Variants in BSN observed in about 807,000 individuals in gnomAD.
BSN encodes the protein protein bassoon.
A neutral mutation model predicts 264.8 loss-of-function variants in BSN; 57 were observed. The ratio of observed to expected loss-of-function variants is 0.22; its 90% CI spans 0.17 to 0.27. The LOEUF is 0.27. Among genes scored for constraint, BSN ranks in the 10% least tolerant of loss-of-function variants. The pLI is 1.00. For synonymous variants in BSN, 2,059 were observed against 2,137.3 expected, an observed-to-expected ratio of 0.96 and a Z score of 1.01; for missense variants, 4,615 against 5,232.5, an observed-to-expected ratio of 0.88 and a Z score of 3.64.
chr3:49,577,184 G>A (rs1227232765), intron 1 of BSN, among the ~76,000 whole-genome samples: 3 of 152,080 alleles, frequency 2.0e-5, no homozygotes, highest in Non-Finnish European at 4.4e-5. Context: ...GAATTTCTTC[G>A]CTATCTTGCT....
At position 49,654,472 on chromosome 3, in the gene BSN, A is replaced by T; in HGVS notation, c.4916A>T (p.Asn1639Ile). 1.2e-6 allele frequency: 2 copies of T among 1,608,988 alleles called. No individual in the cohort carries two copies. Among genetic ancestry groups the T allele is most frequent in the Non-Finnish European group, 1.7e-6 (2 of 1,177,846 alleles). Residue 1639 changes from asparagine to isoleucine, a missense_variant, in exon 5 of 12, where the codon AAC becomes ATC. Physicochemically the swap from Asn to Ile is moderately radical, Grantham distance 149 (BLOSUM62 -3). Around this residue, in one of 3 missense-constraint regions of BSN, gnomAD observed 3,415 missense variants for 3,866.4 expected, o/e 0.88. Coordinates refer to ENST00000296452, the MANE Select transcript of BSN (RefSeq NM_003458.4). This position sits in a 1 kb window ranked among gnomAD's most constrained non-coding sequence, Gnocchi z 4.1. ...LYGWGALPAENISLCRISSVP... is the reference protein window; with the variant it reads ...LYGWGALPAEIISLCRISSVP... ...GGCTGGGGTGCCCTCCCTGCTGAGA[A>T]CATCTCCCTGTGCCGGATCTCCTCT...
chr3:49,578,833 CT>C, intron 1 of BSN, among the ~76,000 whole-genome samples: 1 of 152,270 alleles, frequency 6.6e-6, no homozygotes, highest in African/African-American at 2.4e-5. Context: ...TACTATCCAC[CT>C]CTCTAGATTT....
Position 49,652,821 on chromosome 3 carries a change from C to T in BSN, c.3265C>T (p.Arg1089Cys), listed in dbSNP as rs748329610. Residue 1089 changes from arginine (R) to cysteine (C), a missense_variant, in exon 5 of 12, where the codon CGC becomes TGC. This residue lies in a region of BSN where 3,415 missense variants were observed against 3,866.4 expected (regional missense o/e 0.88). Coordinates refer to ENST00000296452, the MANE Select transcript of BSN (RefSeq NM_003458.4). ...EELRAQRRRERSKTPPSNLSP... is the reference protein window; with the variant it reads ...EELRAQRRRECSKTPPSNLSP... ...ACTGCGGGCCCAGCGGAGGCGAGAG[C>T]GCTCCAAGACACCACCCAGTAACTT... 12 of 1,571,068 alleles carry T rather than the reference C, an allele frequency of 7.6e-6. No individual in the cohort carries two copies. The highest frequency in any genetic ancestry group is 8.6e-6 in the Non-Finnish European group (10 of 1,157,428).
chr3:49,633,625 C>T (rs965365316), intron 2 of BSN, among the ~76,000 whole-genome samples: 2 of 152,202 alleles, frequency 1.3e-5, no homozygotes, highest in African/African-American at 2.4e-5. Context: ...GATATTTGTA[C>T]ACCCATGTTC....
At chr3:49,575,968 T>G (rs985844798) in intron 1 of BSN, among the ~76,000 whole-genome samples, 1 of 152,158 alleles carries the variant, frequency 6.6e-6, no homozygotes, top group African/African-American at 2.4e-5. Flanking sequence ...ACTAAATGCA[T>G]TGCTTTGCAC....
chr3:49,578,221 A>T (rs912231821), intron 1 of BSN, among the ~76,000 whole-genome samples: 13 of 151,794 alleles, frequency 8.6e-5, no homozygotes, highest in African/African-American at 3.1e-4. Flanking sequence ...ATGGTCTCAA[A>T]CTCCTGCCCT....
At chr3:49,666,685 G>A (rs934959819) in intron 11 of BSN, among the ~76,000 whole-genome samples, 2 of 152,008 alleles carry the variant, frequency 1.3e-5, no homozygotes, top group African/African-American at 2.4e-5. Flanking sequence ...AGCACTGACG[G>A]ATGATCGGAT....
In BSN at chr3:49,587,209, G is replaced by T. The variant is rs558911035; in HGVS notation, c.224+32383G>T. Among the ~76,000 whole-genome samples, 129 of 152,178 alleles carry T rather than the reference G, an allele frequency of 8.5e-4. 4 individuals are homozygous for T. The South Asian group carries it at 0.026, about 31-fold the overall frequency. Reference sequence around the variant, plus strand: ...ACTTTTTATATTTCTTTTGCACATTGTTCACTGTTGGCATATAGTAATAGA... The same window carrying T: ...ACTTTTTATATTTCTTTTGCACATTTTTCACTGTTGGCATATAGTAATAGA... On this transcript the variant is annotated intron_variant, in intron 1 of 11. Coordinates refer to ENST00000296452, the MANE Select transcript of BSN (RefSeq NM_003458.4).
At chr3:49,623,933 G>T (rs1410752696) in intron 1 of BSN, among the ~76,000 whole-genome samples, 1 of 152,204 alleles carries the variant, frequency 6.6e-6, no homozygotes, top group Non-Finnish European at 1.5e-5. Flanking sequence ...TGCCTCCATA[G>T]ATTTTTATGT....
rs554189521 is a variant in BSN at position 49,658,608 on chromosome 3, C to T, written c.8640+412C>T. 2.0e-5 allele frequency among the ~76,000 whole-genome samples: 3 copies of T among 152,302 alleles called. No individual in the cohort carries two copies. The East Asian group carries it at 5.8e-4, about 29-fold the overall frequency. On this transcript the variant is annotated intron_variant, in intron 5 of 11. Transcript: ENST00000296452. ...AAGAAAATCAGTCATATGAACCTGGCGCGGCTGCTCTCGTCCTCTCAGTCC... is the reference window on the plus strand; with the variant it reads ...AAGAAAATCAGTCATATGAACCTGGTGCGGCTGCTCTCGTCCTCTCAGTCC...
Position 49,657,299 on chromosome 3 carries a change from C to G in BSN, c.7743C>G (p.Ala2581=). The G allele has an allele frequency of 6.2e-7, 1 of 1,613,342 alleles. No individual in the cohort carries two copies. Among genetic ancestry groups the G allele is most frequent in the Non-Finnish European group, 8.5e-7 (1 of 1,179,886 alleles). ...AGCCCTGTGTGGTCAGGAGGATTGC[C>G]GACAGCAGCGTGCAGACAGACGATG... ...GTEPCVVRRI[A]DSSVQTDDED... Residue 2581 remains alanine (A), a synonymous_variant, in exon 5 of 12, where the codon GCC becomes GCG. Coordinates refer to ENST00000296452, the MANE Select transcript of BSN (RefSeq NM_003458.4).
intron 1 of BSN, among the ~76,000 whole-genome samples, chr3:49,576,302 C>T (rs945625958): frequency 3.3e-5 from 5 of 152,174 alleles, no homozygotes; most frequent in African/African-American, 1.2e-4. Flanking sequence ...AGGGAGCTTC[C>T]AGGCTCTTGT....
intron 1 of BSN, 35 bp from the exon 2 acceptor site, chr3:49,624,940 T>G (rs1170853228): frequency 2.0e-6 from 3 of 1,482,738 alleles, no homozygotes; most frequent in Non-Finnish European, 2.7e-6. Context: ...TTCTCTAAGC[T>G]GTATCTCTAA....
intron 1 of BSN, among the ~76,000 whole-genome samples, chr3:49,588,415 C>T (rs1266854377): frequency 6.6e-6 from 1 of 152,046 alleles, no homozygotes; most frequent in Admixed American, 6.6e-5. Context: ...GTAGGTCTGT[C>T]GTATATGGCT....
In BSN at chr3:49,661,261, G is replaced by A. The variant is rs138315575; in HGVS notation, c.9416G>A (p.Arg3139His). The change falls in exon 6 of 12, where the codon CGT (arginine) becomes CAT (histidine). Residue 3139 changes from arginine (R) to histidine (H), a missense_variant. Transcript: ENST00000296452. ...CTTTTTCCAGTCCCCGCTGATAGCC[G>A]TGCCCCACTGCAGAAGCCACGCCAG... ...STLFPVPADSRAPLQKPRQTS... is the reference protein window; with the variant it reads ...STLFPVPADSHAPLQKPRQTS... 70 of 1,613,586 alleles carry A rather than the reference G, an allele frequency of 4.3e-5. No homozygotes were observed. In the African/African-American group the frequency reaches 6.7e-4, roughly 15 times the overall value.
intron 1 of BSN, among the ~76,000 whole-genome samples, chr3:49,596,187 G>C (rs374198486): frequency 8.5e-5 from 13 of 152,066 alleles, no homozygotes; most frequent in African/African-American, 3.1e-4. Flanking sequence ...GGTGGATCAC[G>C]AGGTCAGGAG....
intron 1 of BSN, among the ~76,000 whole-genome samples, chr3:49,593,811 T>G (rs540612057): frequency 1.8e-4 from 27 of 147,462 alleles, no homozygotes; most frequent in East Asian, 7.7e-4. Context: ...TTTTGTTTTT[T>G]TTTTTTTTTG....
chr3:49,588,804 T>A (rs1357831248), intron 1 of BSN, among the ~76,000 whole-genome samples: 1 of 152,220 alleles, frequency 6.6e-6, no homozygotes, highest in Non-Finnish European at 1.5e-5. Flanking sequence ...ATTGTATGAT[T>A]TCAAGTCTTT....
intron 1 of BSN, among the ~76,000 whole-genome samples, chr3:49,606,151 A>G (rs1447199039): frequency 2.1e-5 from 1 of 48,368 alleles, no homozygotes; most frequent in Non-Finnish European, 3.4e-5. Flanking sequence ...TTATATATGT[A>G]TATATTATAT....
Sources: gnomAD v4.1 joint callset for allele counts (sites outside exome capture counted in the v4.1 genomes callset) on GRCh38, gnomAD v4.1.1 for gene constraint, gnomAD v4.1.1 regional missense constraint, Gnocchi (gnomAD v3.1) non-coding constraint, MANE v1.5 for transcripts, NCBI Gene and HGNC (gene_info 2026-07-23, HGNC 2026-07-21) for gene names.